Variants in RNF220 observed in about 807,000 individuals in gnomAD.
The protein encoded by RNF220 is ring finger protein 220.
RNF220 carries 7 observed loss-of-function variants against 67.1 expected under a neutral mutation model. The ratio of observed to expected loss-of-function variants is 0.10; its 90% CI spans 0.06 to 0.20. RNF220 has a LOEUF of 0.20. Ranked by LOEUF, RNF220 falls within the 10% of genes least tolerant of loss-of-function variation. The pLI, the probability that RNF220 is intolerant of heterozygous loss-of-function variation, is 1.00. For missense variants in RNF220, 565 were observed against 740.3 expected (o/e 0.76, Z 2.75); for synonymous variants, 270 against 283.2 (o/e 0.95, Z 0.47).
intron 2 of RNF220, among the ~76,000 whole-genome samples, chr1:44,532,251 G>A (rs1226494575): frequency 6.6e-6 from 1 of 152,208 alleles, no homozygotes; most frequent in African/African-American, 2.4e-5. Flanking sequence ...TATGAATGCG[G>A]CTGGAAGTCA....
intron 8 of RNF220, among the ~76,000 whole-genome samples, chr1:44,642,811 C>T (rs1330806909): frequency 6.6e-6 from 1 of 152,234 alleles, no homozygotes; most frequent in Admixed American, 6.5e-5. Context: ...AGGGCCAGGC[C>T]GAGCAGAAGA....
chr1:44,634,650 G>T (rs1300577268), intron 6 of RNF220, among the ~76,000 whole-genome samples: 1 of 152,226 alleles, frequency 6.6e-6, no homozygotes, highest in African/African-American at 2.4e-5. Flanking sequence ...AGAGGGAAGA[G>T]AGTTTCTTGT....
chr1:44,466,975 T>C (rs1397795687), intron 2 of RNF220, among the ~76,000 whole-genome samples: 2 of 152,238 alleles, frequency 1.3e-5, no homozygotes, highest in East Asian at 3.9e-4. Flanking sequence ...AGGCATTGGC[T>C]TCTCCTCTCT....
chr1:44,529,884 C>G (rs550599798), intron 2 of RNF220, among the ~76,000 whole-genome samples: 3 of 147,752 alleles, frequency 2.0e-5, no homozygotes, highest in South Asian at 4.3e-4. Flanking sequence ...AACCCCATCT[C>G]TACTAAAAAT....
intron 2 of RNF220, among the ~76,000 whole-genome samples, chr1:44,558,697 G>T (rs1220048801): frequency 6.6e-6 from 1 of 152,200 alleles, no homozygotes; most frequent in Non-Finnish European, 1.5e-5. Flanking sequence ...AGTTTACGGA[G>T]CTAGAATTCA....
rs187758865 is a variant in RNF220, at chr1:44,417,271, G to A, written c.625+4549G>A. On this transcript the variant is annotated intron_variant, in intron 2 of 14. Transcript: ENST00000361799. This position sits in a 1 kb window ranked among gnomAD's most constrained non-coding sequence, Gnocchi z 4.0. ...CCGGGTTCTCCCCTACTCCCCGGGG[G>A]CAAGAACTCCTGTGATGTGTGTGGT... Among the ~76,000 whole-genome samples, 65 of 152,312 alleles carry A rather than the reference G, an allele frequency of 4.3e-4. No individual in the cohort carries two copies. In the East Asian group the frequency reaches 0.011, roughly 25 times the overall value.
chr1:44,532,779 C>A (rs111590956), intron 2 of RNF220, among the ~76,000 whole-genome samples: 1 of 152,194 alleles, frequency 6.6e-6, no homozygotes, highest in East Asian at 1.9e-4. Flanking sequence ...TTATGAAAAA[C>A]ACCAGTCATC....
intron 8 of RNF220, among the ~76,000 whole-genome samples, chr1:44,638,022 C>T (rs746719571): frequency 3.9e-5 from 6 of 152,208 alleles, no homozygotes; most frequent in African/African-American, 1.2e-4. Flanking sequence ...CGCAGTGGAG[C>T]GGAGGAGGCT....
At chr1:44,552,763 G>T (rs1662762407) in intron 2 of RNF220, among the ~76,000 whole-genome samples, 1 of 151,692 alleles carries the variant, frequency 6.6e-6, no homozygotes, top group Non-Finnish European at 1.5e-5. Flanking sequence ...TGGAGACGGG[G>T]TTTCACCTTG....
intron 2 of RNF220, among the ~76,000 whole-genome samples, chr1:44,587,418 A>G (rs1297508993): frequency 6.6e-6 from 1 of 152,128 alleles, no homozygotes; most frequent in Non-Finnish European, 1.5e-5. Context: ...AATTGCTGGG[A>G]TTACAGGCAT....
At chr1:44,442,334 G>A (rs1651641168) in intron 2 of RNF220, among the ~76,000 whole-genome samples, 1 of 151,836 alleles carries the variant, frequency 6.6e-6, no homozygotes, top group Admixed American at 6.6e-5. Context: ...GTAGAGATGG[G>A]ATTTCGCCAT....
At chr1:44,418,738 A>C (rs894486867) in intron 2 of RNF220, among the ~76,000 whole-genome samples, 3 of 152,260 alleles carry the variant, frequency 2.0e-5, no homozygotes, top group African/African-American at 7.2e-5. Context: ...GAAACTGAAA[A>C]ATAGAATTAT....
rs145152799 is a variant in RNF220, at chr1:44,623,758, G to A, written c.804+971G>A. Among the ~76,000 whole-genome samples, 269 of 152,330 alleles carry A rather than the reference G, an allele frequency of 1.8e-3. 2 individuals are homozygous for A. The highest frequency in any genetic ancestry group is 6.2e-3 in the African/African-American group (256 of 41,560). ...TGTCAAGATAAGGTCCAGGAGGCAG[G>A]GAAGGAGACAGAGGAGGAACACTCA... On this transcript the variant is annotated intron_variant, in intron 4 of 14. Transcript: ENST00000361799.
intron 8 of RNF220, 38 bp from the exon 9 acceptor site, chr1:44,644,660 C>T (rs1644584650): frequency 1.9e-6 from 3 of 1,565,424 alleles, no homozygotes; most frequent in Middle Eastern, 3.4e-4. Flanking sequence ...TTGGCCTCGT[C>T]TTGTCCCCAG....
intron 2 of RNF220, among the ~76,000 whole-genome samples, chr1:44,587,283 G>T (rs1392278199): frequency 6.6e-6 from 1 of 151,776 alleles, no homozygotes; most frequent in Non-Finnish European, 1.5e-5. Flanking sequence ...TACTAGCTGG[G>T]ATTACAGGCA....
At chr1:44,534,879 A>G (rs1344045322) in intron 2 of RNF220, among the ~76,000 whole-genome samples, 1 of 152,208 alleles carries the variant, frequency 6.6e-6, no homozygotes, top group East Asian at 1.9e-4. Context: ...GGAGAGAACT[A>G]AAACAACAAA....
intron 2 of RNF220, among the ~76,000 whole-genome samples, chr1:44,453,567 G>T (rs1426180014): frequency 1.3e-5 from 2 of 151,652 alleles, no homozygotes; most frequent in Admixed American, 6.6e-5. Context: ...TGATCATGAG[G>T]TTTTACCTCC....
rs1644600689 is a variant in RNF220, at chr1:44,645,122, C to CAGGAAGCCCTG, written c.1310+45_1310+55dup. On this transcript the variant is annotated intron_variant, in intron 10 of 14. Transcript: ENST00000361799. The surrounding 1 kb of genome is among the most constrained non-coding windows in gnomAD (Gnocchi z 5.0). The stretch of plus-strand genomic sequence containing the variant: ...GGCTTGGGCGGGTGGAGCAGAGAAA[C>CAGGAAGCCCTG]AGGAAGCCCTGAGGCAGGGGTTAAC... 1 of 1,612,808 alleles carries CAGGAAGCCCTG rather than the reference C, an allele frequency of 6.2e-7. No individual in the cohort carries two copies. Among genetic ancestry groups the CAGGAAGCCCTG allele is most frequent in the Non-Finnish European group, 8.5e-7 (1 of 1,178,982 alleles).
intron 2 of RNF220, among the ~76,000 whole-genome samples, chr1:44,588,610 T>A (rs1360816558): frequency 7.0e-6 from 1 of 141,950 alleles, no homozygotes; most frequent in Non-Finnish European, 1.6e-5. Flanking sequence ...CAAATAGATA[T>A]AATTAACATT....
Sources: gnomAD v4.1 joint callset for allele counts (sites outside exome capture counted in the v4.1 genomes callset) on GRCh38, gnomAD v4.1.1 for gene constraint, Gnocchi (gnomAD v3.1) non-coding constraint, MANE v1.5 for transcripts, NCBI Gene and HGNC (gene_info 2026-07-23, HGNC 2026-07-21) for gene names.